The following CBFA2T3 variants were observed in gnomAD, a reference collection of about 807,000 sequenced individuals.
The protein encoded by CBFA2T3 is transcriptional corepressor CBFA2T3.
In CBFA2T3, 31 loss-of-function variants were observed where a neutral mutation model predicts 58.6. The ratio of observed to expected loss-of-function variants is 0.53; its 90% CI spans 0.40 to 0.71. The LOEUF (loss-of-function observed/expected upper bound fraction) is 0.71. Ranked by LOEUF, CBFA2T3 falls within the 30% of genes least tolerant of loss-of-function variation. The pLI is 0.00. For synonymous variants in CBFA2T3, 531 were observed against 421.9 expected, an observed-to-expected ratio of 1.26 and a Z score of -3.17; for missense variants, 1,076 against 963.1, an observed-to-expected ratio of 1.12 and a Z score of -1.55.
At chr16:88,971,926 G>A (rs1052338460) in intron 1 of CBFA2T3, among the ~76,000 whole-genome samples, 6 of 152,230 alleles carry the variant, frequency 3.9e-5, no homozygotes, top group East Asian at 1.9e-4. Context: ...TTAACGGGAC[G>A]CACTGCTTCT....
intron 1 of CBFA2T3, chr16:88,940,989 C>CGG: frequency 1.0e-6 from 1 of 959,026 alleles, no homozygotes; most frequent in Non-Finnish European, 1.2e-6. Flanking sequence ...GGTAGAGCGG[C>CGG]GGCGGCGCGC....
At chr16:88,880,847 G>T in intron 9 of CBFA2T3, 59 bp from the exon 10 acceptor site, 1 of 1,465,304 alleles carries the variant, frequency 6.8e-7, no homozygotes. Context: ...CCCACGCTGG[G>T]GCCCTCCCCA....
At position 88,976,897 on chromosome 16, in the gene CBFA2T3, A is replaced by T; in HGVS notation, c.-90T>A. On this transcript the variant is annotated 5_prime_UTR_variant, in exon 1 of 12. Coordinates refer to ENST00000268679, the MANE Select transcript of CBFA2T3 (RefSeq NM_005187.6). ...CCGACCTCCTGCAGCCTTGAGGGAA[A>T]GAGGAGGGGCTGGGCCAGCTGGGGC... The T allele has an allele frequency of 6.9e-7, 1 of 1,454,362 alleles. No individual in the cohort carries two copies. Among genetic ancestry groups the T allele is most frequent in the Admixed American group, 2.3e-5 (1 of 43,130 alleles). 90.1% of individuals were successfully genotyped at this position (1,454,362 alleles called of 1,614,324 possible).
In CBFA2T3 at chr16:88,885,923, C is replaced by A; in HGVS notation, c.893+38G>T. On this transcript the variant is annotated intron_variant, in intron 6 of 11. Transcript: ENST00000268679. The surrounding 1 kb of genome is among the most constrained non-coding windows in gnomAD (Gnocchi z 5.3). ...GGGAGCAGGGTGAGCCGCGTGTCCA[C>A]GGCACCCCCAGCCCAGATCCCCGGA... 1 of 1,530,142 alleles carries A rather than the reference C, an allele frequency of 6.5e-7. No homozygotes were observed. Among genetic ancestry groups the A allele is most frequent in the Non-Finnish European group, 8.8e-7 (1 of 1,133,460 alleles). 94.8% of individuals were successfully genotyped at this position (1,530,142 alleles called of 1,614,324 possible). A position where few individuals can be genotyped will look rare whatever the true frequency, so the allele number is the denominator to read the frequency against.
intron 3 of CBFA2T3, among the ~76,000 whole-genome samples, chr16:88,893,020 C>A (rs913086281): frequency 2.9e-4 from 44 of 152,286 alleles, no homozygotes; most frequent in African/African-American, 1.0e-3. Flanking sequence ...CTTCTCCACA[C>A]GTCGGGGGCT....
chr16:88,881,117 C>T (rs1421489312), intron 9 of CBFA2T3, 174 bp downstream of exon 9: 1 of 746,034 alleles, frequency 1.3e-6, no homozygotes, highest in Non-Finnish European at 2.4e-6. Flanking sequence ...GCTCTGAGCT[C>T]CAGGCTTCCT....
At chr16:88,890,275 T>G (rs1969575894) in intron 5 of CBFA2T3, among the ~76,000 whole-genome samples, 1 of 152,182 alleles carries the variant, frequency 6.6e-6, no homozygotes, top group Non-Finnish European at 1.5e-5. Flanking sequence ...GATTCCATTT[T>G]GCAGATACAG....
At chr16:88,964,934 AT>A (rs1293253165) in intron 1 of CBFA2T3, among the ~76,000 whole-genome samples, 2 of 149,098 alleles carry the variant, frequency 1.3e-5, no homozygotes, top group African/African-American at 5.0e-5. Context: ...CCATCCATCC[AT>A]CCATCCATCC....
intron 3 of CBFA2T3, among the ~76,000 whole-genome samples, chr16:88,895,791 C>A (rs141375780): frequency 6.6e-6 from 1 of 152,182 alleles, no homozygotes; most frequent in Admixed American, 6.5e-5. Context: ...CAGACAGACA[C>A]GGCCCTGCCC....
intron 1 of CBFA2T3, among the ~76,000 whole-genome samples, chr16:88,932,802 A>C (rs1166703426): frequency 7.3e-6 from 1 of 137,176 alleles, no homozygotes; most frequent in African/African-American, 3.1e-5. Context: ...AAAAAAAAAA[A>C]AAAAAAAAAA....
intron 1 of CBFA2T3, among the ~76,000 whole-genome samples, chr16:88,959,742 C>T (rs1321706858): frequency 6.6e-6 from 1 of 152,086 alleles, no homozygotes; most frequent in African/African-American, 2.4e-5. Context: ...AAAGGTGGCT[C>T]ATTGTTTAAA....
At chr16:88,889,495 G>T (rs1414364376) in intron 5 of CBFA2T3, among the ~76,000 whole-genome samples, 1 of 151,938 alleles carries the variant, frequency 6.6e-6, no homozygotes, top group Admixed American at 6.5e-5. Context: ...GTCTGACCCT[G>T]TAAGTGCCCT....
intron 1 of CBFA2T3, among the ~76,000 whole-genome samples, chr16:88,908,749 T>C (rs986649621): frequency 6.6e-6 from 1 of 152,218 alleles, no homozygotes; most frequent in Non-Finnish European, 1.5e-5. Flanking sequence ...GCTGTAACCT[T>C]CTTTGACCCC....
chr16:88,906,403 C>T (rs998781293), intron 1 of CBFA2T3, among the ~76,000 whole-genome samples: 3 of 152,166 alleles, frequency 2.0e-5, no homozygotes, highest in African/African-American at 7.2e-5. Flanking sequence ...CGCATCCCCT[C>T]GTCCCCAAGA....
chr16:88,943,805 G>A (rs1971826790), intron 1 of CBFA2T3, among the ~76,000 whole-genome samples: 2 of 152,200 alleles, frequency 1.3e-5, no homozygotes, highest in Non-Finnish European at 1.5e-5. Flanking sequence ...ACAGCTCCTG[G>A]GCATTTCGAG....
At chr16:88,878,584 G>A (rs753370073) in intron 11 of CBFA2T3, among the ~76,000 whole-genome samples, 13 of 152,216 alleles carry the variant, frequency 8.5e-5, no homozygotes, top group Non-Finnish European at 1.6e-4. Flanking sequence ...GGAGGGAGCC[G>A]GGCGCCTCGG....
intron 1 of CBFA2T3, among the ~76,000 whole-genome samples, chr16:88,948,865 A>G (rs1010096108): frequency 1.1e-4 from 16 of 152,194 alleles, no homozygotes; most frequent in Non-Finnish European, 1.3e-4. Flanking sequence ...GAACCAGGCC[A>G]AGCACAAACA....
chr16:88,891,333 G>A (rs1270601319), intron 5 of CBFA2T3, among the ~76,000 whole-genome samples: 2 of 152,134 alleles, frequency 1.3e-5, no homozygotes, highest in Non-Finnish European at 2.9e-5. Flanking sequence ...ACCTAGCTCC[G>A]CCCTCATCCT....
chr16:88,967,389 C>G (rs1021462402), intron 1 of CBFA2T3, among the ~76,000 whole-genome samples: 2 of 151,960 alleles, frequency 1.3e-5, no homozygotes, highest in African/African-American at 4.8e-5. Flanking sequence ...GGGCAGGATG[C>G]CTGGGGACGG....
Sources: gnomAD v4.1 joint callset for allele counts (sites outside exome capture counted in the v4.1 genomes callset) on GRCh38, gnomAD v4.1.1 for gene constraint, Gnocchi (gnomAD v3.1) non-coding constraint, MANE v1.5 for transcripts, NCBI Gene and HGNC (gene_info 2026-07-23, HGNC 2026-07-21) for gene names.